The following SETDB2 variants were observed in gnomAD, a reference collection of about 807,000 sequenced individuals.
SETDB2 encodes the protein SET domain bifurcated histone lysine methyltransferase 2.
In SETDB2, 56 loss-of-function variants were observed where a neutral mutation model predicts 82.5. The ratio of observed to expected loss-of-function variants is 0.68; its 90% confidence interval spans 0.55 to 0.85. SETDB2 has a LOEUF of 0.85. Among genes scored for constraint, SETDB2 ranks in the 40% least tolerant of loss-of-function variants. The pLI, the probability that SETDB2 is intolerant of heterozygous loss-of-function variation, is 0.00. For synonymous variants in SETDB2, 272 were observed against 284.9 expected (o/e 0.95, Z 0.46); for missense variants, 677 against 816.4 (o/e 0.83, Z 2.08).
intron 5 of SETDB2, among the ~76,000 whole-genome samples, chr13:49,470,804 CTCCGCACTCTAGCTTGGGTGACAGAGT>C (rs1958213607): frequency 6.6e-6 from 1 of 152,156 alleles, no homozygotes; most frequent in African/African-American, 2.4e-5. Context: ...ATGATCGCGC[CTCCGCACTCTAGCTTGGGTGACAGAGT>C]GAGACCCTAT....
chr13:49,488,896 T>C (rs1396750827), intron 12 of SETDB2: 3 of 249,632 alleles, frequency 1.2e-5, no homozygotes, highest in African/African-American at 4.5e-5. Context: ...GCCTAGCACA[T>C]AGTAAACATT....
chr13:49,489,547 G>T (rs1958661189), intron 12 of SETDB2, among the ~76,000 whole-genome samples: 1 of 140,236 alleles, frequency 7.1e-6, no homozygotes, highest in African/African-American at 2.6e-5. Context: ...CTGTGCTCCT[G>T]TTCCCATGCC....
At chr13:49,477,428 C>G (rs1232804612) in intron 6 of SETDB2, among the ~76,000 whole-genome samples, 1 of 151,898 alleles carries the variant, frequency 6.6e-6, no homozygotes, top group African/African-American at 2.4e-5. Context: ...AAAGCAAGAC[C>G]CTGTCTCCAA....
intron 2 of SETDB2, among the ~76,000 whole-genome samples, chr13:49,456,993 A>G (rs996349907): frequency 6.6e-6 from 1 of 152,222 alleles, no homozygotes; most frequent in African/African-American, 2.4e-5. Flanking sequence ...TTTAAAACCC[A>G]GAACAAATAA....
At chr13:49,465,661 C>T (rs1235132268) in intron 4 of SETDB2, among the ~76,000 whole-genome samples, 3 of 152,010 alleles carry the variant, frequency 2.0e-5, no homozygotes, top group Non-Finnish European at 4.4e-5. Context: ...CTCAGCCTCT[C>T]GAGTAGCTGG....
Position 49,491,936 on chromosome 13 carries a change from T to C in SETDB2, c.*87T>C, listed in dbSNP as rs369190639. ...AGAAGGTCTAGGTCCATCAAGGAAA[T>C]TCCCCTCCGTTTTCCTTTGTCATGG... On this transcript the variant is annotated 3_prime_UTR_variant, in exon 14 of 14. Coordinates refer to ENST00000611815, the MANE Select transcript of SETDB2 (RefSeq NM_001160308.3). The C allele has an allele frequency of 2.3e-6, 2 of 888,778 alleles. No individual in the cohort carries two copies. Among genetic ancestry groups the C allele is most frequent in the African/African-American group, 1.6e-5 (1 of 61,020 alleles). 55.1% of individuals were successfully genotyped at this position (888,778 alleles called of 1,614,324 possible).
chr13:49,487,090 C>T (rs1171190171), intron 11 of SETDB2, among the ~76,000 whole-genome samples: 1 of 152,058 alleles, frequency 6.6e-6, no homozygotes, highest in Non-Finnish European at 1.5e-5. Context: ...CTCCAAAAGT[C>T]AAAAGCTACA....
chr13:49,484,056 C>G (rs1414715349), intron 10 of SETDB2, among the ~76,000 whole-genome samples: 1 of 152,062 alleles, frequency 6.6e-6, no homozygotes, highest in African/African-American at 2.4e-5. Context: ...GGACCATGTT[C>G]TGTTTACTTA....
rs1251593164 is a variant in SETDB2 at position 49,494,701 on chromosome 13, C to T, written c.*2852C>T. 4 of 152,058 alleles carry T rather than the reference C, an allele frequency of 2.6e-5. No individual in the cohort carries two copies. Among genetic ancestry groups the T allele is most frequent in the Non-Finnish European group, 5.9e-5 (4 of 68,018 alleles). The allele number at this position is 152,058 out of a possible 1,614,324, so 9.4% of individuals were successfully genotyped here. On this transcript the variant is annotated 3_prime_UTR_variant, in exon 14 of 14. Transcript: ENST00000611815. ...TCTGCTCACTTCCCTGTTTTGCAGA[C>T]CCCACACTCTTCTGCAATTCATTTC...
intron 2 of SETDB2, among the ~76,000 whole-genome samples, chr13:49,456,360 A>G (rs1016363430): frequency 3.3e-5 from 5 of 152,186 alleles, no homozygotes; most frequent in Non-Finnish European, 7.4e-5. Context: ...ATTGGTAGAC[A>G]TAGTATAACT....
At chr13:49,461,018 A>G in intron 3 of SETDB2, 79 bp from the exon 4 acceptor site, 1 of 1,092,552 alleles carries the variant, frequency 9.2e-7, no homozygotes, top group Non-Finnish European at 1.4e-6. Context: ...TAAATGAGAT[A>G]AAATATGTAA....
chr13:49,450,236 C>T (rs1957761505), intron 1 of SETDB2, among the ~76,000 whole-genome samples: 1 of 152,102 alleles, frequency 6.6e-6, no homozygotes, highest in Non-Finnish European at 1.5e-5. Flanking sequence ...CTGAGAAATT[C>T]TTGCTCATTA....
chr13:49,458,962 C>T (rs747250086), intron 2 of SETDB2, among the ~76,000 whole-genome samples: 51 of 152,250 alleles, frequency 3.3e-4, no homozygotes, highest in Non-Finnish European at 6.3e-4. Flanking sequence ...CCTTCGATGT[C>T]ATGCCCTACC....
intron 6 of SETDB2, among the ~76,000 whole-genome samples, chr13:49,477,490 C>T (rs1386484653): frequency 6.6e-6 from 1 of 152,062 alleles, no homozygotes; most frequent in Non-Finnish European, 1.5e-5. Flanking sequence ...AACTCTGTCA[C>T]TAGCAGTAGG....
At chr13:49,449,708 G>T (rs1051557044) in intron 1 of SETDB2, among the ~76,000 whole-genome samples, 1 of 151,988 alleles carries the variant, frequency 6.6e-6, no homozygotes, top group Non-Finnish European at 1.5e-5. Flanking sequence ...CTCTCATCTT[G>T]AAACAATCCC....
At chr13:49,480,375 T>C in intron 7 of SETDB2, 40 bp downstream of exon 7, 1 of 1,259,074 alleles carries the variant, frequency 7.9e-7, no homozygotes, top group Non-Finnish European at 1.1e-6. Flanking sequence ...TGTGTATATC[T>C]TTGAAGGTGG....
chr13:49,465,431 T>A (rs1958085349), intron 4 of SETDB2, among the ~76,000 whole-genome samples: 1 of 152,250 alleles, frequency 6.6e-6, no homozygotes, highest in Non-Finnish European at 1.5e-5. Context: ...ATATAACTCA[T>A]GCAAATAAAT....
intron 10 of SETDB2, among the ~76,000 whole-genome samples, chr13:49,485,065 T>G (rs1325552537): frequency 6.6e-6 from 1 of 152,268 alleles, no homozygotes; most frequent in Non-Finnish European, 1.5e-5. Context: ...TGTTGACCAT[T>G]CACATGCTGA....
At chr13:49,459,851 T>C in intron 2 of SETDB2, 1 of 306,058 alleles carries the variant, frequency 3.3e-6, no homozygotes, top group African/African-American at 2.2e-5. Flanking sequence ...TCCTTCTGTT[T>C]TCTAGTCAAG....
Sources: gnomAD v4.1 joint callset for allele counts (sites outside exome capture counted in the v4.1 genomes callset) on GRCh38, gnomAD v4.1.1 for gene constraint, MANE v1.5 for transcripts, NCBI Gene and HGNC (gene_info 2026-07-23, HGNC 2026-07-21) for gene names.